The following PTK2 variants were observed in gnomAD, a reference collection of about 807,000 sequenced individuals.
PTK2 encodes the protein focal adhesion kinase 1.
PTK2 carries 45 observed loss-of-function variants against 150.1 expected under a neutral mutation model. The ratio of observed to expected loss-of-function variants is 0.30; its 90% CI spans 0.24 to 0.38. The LOEUF (loss-of-function observed/expected upper bound fraction) is 0.38. Among genes scored for constraint, PTK2 ranks in the 10% least tolerant of loss-of-function variants. The pLI, the probability that PTK2 is intolerant of heterozygous loss-of-function variation, is 1.00. For missense variants in PTK2, 919 were observed against 1,307.3 expected (o/e 0.70, Z 4.58); for synonymous variants, 432 against 449.2 (o/e 0.96, Z 0.48).
chr8:140,923,741 A>G (rs1221233727), intron 2 of PTK2, among the ~76,000 whole-genome samples: 1 of 152,248 alleles, frequency 6.6e-6, no homozygotes, highest in African/African-American at 2.4e-5. Flanking sequence ...TAGTACTGGC[A>G]TATTTTAAAG....
chr8:140,808,297 T>C (rs1022231772), intron 10 of PTK2, among the ~76,000 whole-genome samples: 6 of 152,072 alleles, frequency 3.9e-5, no homozygotes, highest in Admixed American at 6.5e-5. Flanking sequence ...TTCAGGAACA[T>C]GAAGTTCACC....
intron 2 of PTK2, among the ~76,000 whole-genome samples, chr8:140,913,784 G>A (rs1352384954): frequency 6.6e-6 from 1 of 152,098 alleles, no homozygotes; most frequent in Non-Finnish European, 1.5e-5. Flanking sequence ...TCAATCCATA[G>A]ATTCAACACT....
chr8:140,832,019 C>A (rs2100115711), intron 7 of PTK2, among the ~76,000 whole-genome samples: 1 of 152,196 alleles, frequency 6.6e-6, no homozygotes, highest in Non-Finnish European at 1.5e-5. Flanking sequence ...CATTTTCAAG[C>A]CACTATTCCT....
chr8:140,753,464 A>G (rs990496749), intron 16 of PTK2, among the ~76,000 whole-genome samples: 5 of 152,194 alleles, frequency 3.3e-5, no homozygotes, highest in South Asian at 2.1e-4. Context: ...TGAACTGGAC[A>G]TAGAAATCCA....
At chr8:140,904,858 T>A (rs1484153307) in intron 2 of PTK2, among the ~76,000 whole-genome samples, 2 of 152,192 alleles carry the variant, frequency 1.3e-5, no homozygotes, top group Non-Finnish European at 2.9e-5. Flanking sequence ...CCTTTATCAT[T>A]TTTTATTGTG....
intron 1 of PTK2, among the ~76,000 whole-genome samples, chr8:140,964,044 C>T (rs974247611): frequency 6.6e-6 from 1 of 152,156 alleles, no homozygotes; most frequent in African/African-American, 2.4e-5. Context: ...GCCAGTCCTT[C>T]TGCCTGGTAG....
At chr8:140,695,802 A>G (rs2100026195) in intron 26 of PTK2, among the ~76,000 whole-genome samples, 1 of 152,152 alleles carries the variant, frequency 6.6e-6, no homozygotes, top group Admixed American at 6.5e-5. Context: ...CTCAACAATC[A>G]ACTGGGGTGC....
At chr8:140,659,448 C>T (rs372937687) in exon 32 of PTK2, 162 of 1,596,412 alleles carry the variant, frequency 1.0e-4, no homozygotes, top group Admixed American at 5.0e-5. Flanking sequence ...GGTAGCAAGA[C>T]GTGCTCCTAG....
chr8:140,823,335 G>A (rs2100109943), intron 8 of PTK2, among the ~76,000 whole-genome samples: 1 of 152,100 alleles, frequency 6.6e-6, no homozygotes, highest in Non-Finnish European at 1.5e-5. Flanking sequence ...CCAACCAGCT[G>A]CTGGTTTATA....
chr8:140,891,327 T>C (rs774558413), intron 2 of PTK2, among the ~76,000 whole-genome samples: 3 of 152,162 alleles, frequency 2.0e-5, no homozygotes, highest in Non-Finnish European at 2.9e-5. Context: ...GAAAAAAGCA[T>C]GCACAATTAA....
intron 29 of PTK2, among the ~76,000 whole-genome samples, chr8:140,671,940 G>T (rs1339521423): frequency 9.4e-6 from 1 of 106,530 alleles, no homozygotes. Context: ...TCAGGGGGGC[G>T]GGGGGCGGGA....
At chr8:140,818,250 G>C (rs1264589265) in intron 10 of PTK2, 27 bp downstream of exon 10, 4 of 1,579,604 alleles carry the variant, frequency 2.5e-6, no homozygotes, top group Admixed American at 3.4e-5. Flanking sequence ...GTAACGCCAA[G>C]TTCCCGAAAG....
intron 5 of PTK2, among the ~76,000 whole-genome samples, chr8:140,863,907 TTTACC>T (rs923004923): frequency 2.0e-5 from 3 of 152,346 alleles, no homozygotes; most frequent in African/African-American, 7.2e-5. Flanking sequence ...TTTTTGGCAT[TTTACC>T]TTACATGTAT....
intron 10 of PTK2, among the ~76,000 whole-genome samples, chr8:140,815,201 A>G (rs1437596733): frequency 6.6e-6 from 1 of 152,012 alleles, no homozygotes; most frequent in Non-Finnish European, 1.5e-5. Flanking sequence ...TGGTACATGC[A>G]CACCATGGAA....
At chr8:140,937,524 G>C (rs2154608733) in intron 1 of PTK2, among the ~76,000 whole-genome samples, 1 of 150,666 alleles carries the variant, frequency 6.6e-6, no homozygotes, top group African/African-American at 2.4e-5. Flanking sequence ...TTGACTACAG[G>C]CATTTGCTAG....
chr8:140,882,490 A>G (rs987352809), intron 3 of PTK2, among the ~76,000 whole-genome samples: 1 of 152,212 alleles, frequency 6.6e-6, no homozygotes, highest in Non-Finnish European at 1.5e-5. Context: ...TGGTCCTATG[A>G]AATACAAAAC....
chr8:140,925,825 A>T (rs888771270), intron 1 of PTK2, 76 bp from the exon 2 acceptor site: 3 of 167,892 alleles, frequency 1.8e-5, no homozygotes, highest in African/African-American at 7.2e-5. Flanking sequence ...AGTAACAATA[A>T]CAATACCTAT....
intron 3 of PTK2, among the ~76,000 whole-genome samples, chr8:140,884,576 C>T (rs761453887): frequency 1.3e-5 from 2 of 152,166 alleles, no homozygotes; most frequent in Non-Finnish European, 2.9e-5. Context: ...AGTGATGACA[C>T]CTAACAATAA....
intron 1 of PTK2, among the ~76,000 whole-genome samples, chr8:140,955,260 A>G (rs2100180837): frequency 6.6e-6 from 1 of 152,192 alleles, no homozygotes; most frequent in Admixed American, 6.5e-5. Flanking sequence ...TAACTGAATC[A>G]TGGGGGCAGG....
Sources: allele counts gnomAD v4.1 joint callset (sites outside exome capture counted in the v4.1 genomes callset), GRCh38; gene constraint gnomAD v4.1.1; transcripts MANE v1.5; gene names NCBI Gene and HGNC (gene_info 2026-07-23, HGNC 2026-07-21).